MBD1: variants seen among roughly 807,000 people sequenced by gnomAD.
The protein encoded by MBD1 is methyl-CpG-binding domain protein 1.
A neutral mutation model predicts 82.6 loss-of-function variants in MBD1; 25 were observed. The observed-to-expected ratio is 0.30, with a 90% confidence interval of 0.22 to 0.42. MBD1 has a LOEUF of 0.42. MBD1 is among the 10% of genes least tolerant of loss of function. MBD1 has a pLI of 1.00. For synonymous variants in MBD1, 301 were observed against 303.7 expected (o/e 0.99, Z 0.09); for missense variants, 627 against 819.6 (o/e 0.76, Z 2.87).
chr18:50,277,855 T>TA (rs200911568), intron 2 of MBD1, among the ~76,000 whole-genome samples: 4,188 of 151,606 alleles, frequency 0.028, 112 homozygotes, highest in Admixed American at 0.082. Flanking sequence ...TTAATATTAT[T>TA]TAAAAAAAAC....
chr18:50,276,825 C>A lies in MBD1; in HGVS notation c.392+7G>T, dbSNP rs774016119. On this transcript the variant is annotated splice_region_variant and intron_variant, in intron 4 of 16. Coordinates refer to ENST00000269468, the MANE Select transcript of MBD1 (RefSeq NM_015846.4). ...ACCCATCTGGCTCACCTTAGACCAACACTCACCCAGGAGCAGGGAATGAAG... is the reference window on the plus strand; with the variant it reads ...ACCCATCTGGCTCACCTTAGACCAAAACTCACCCAGGAGCAGGGAATGAAG... 2 of 1,614,240 alleles carry A rather than the reference C, an allele frequency of 1.2e-6. No homozygotes were observed. The highest frequency in any genetic ancestry group is 1.7e-6 in the Non-Finnish European group (2 of 1,180,046).
intron 10 of MBD1, 47 bp from the exon 11 acceptor site, chr18:50,274,400 G>A (rs1298802009): frequency 6.3e-6 from 10 of 1,591,140 alleles, no homozygotes; most frequent in Admixed American, 1.7e-5. Context: ...ACTAGGAGAG[G>A]CCATCCTCAA....
chr18:50,277,644 T>A (rs1464076445), intron 2 of MBD1, among the ~76,000 whole-genome samples: 2 of 152,106 alleles, frequency 1.3e-5, no homozygotes, highest in African/African-American at 4.8e-5. Context: ...AATTAAAGTA[T>A]AAGTAATTGA....
At chr18:50,267,892 G>T (rs1410186586), downstream of MBD1, among the ~76,000 whole-genome samples, 1 of 152,162 alleles carries the variant, frequency 6.6e-6, no homozygotes, top group African/African-American at 2.4e-5. Context: ...TTCTAAATAC[G>T]AATTCCATTT....
rs1444417548 is a variant in MBD1, at chr18:50,279,696, T to C, written c.110+187A>G. 4 of 712,750 alleles carry C rather than the reference T, an allele frequency of 5.6e-6. No individual in the cohort carries two copies. The East Asian group carries it at 1.2e-4, about 21-fold the overall frequency. 44.2% of individuals were successfully genotyped at this position (712,750 alleles called of 1,614,324 possible). On this transcript the variant is annotated intron_variant, in intron 2 of 16. Transcript: ENST00000269468. ...TTCTTGAATAATCACAAATGCACTG[T>C]GAGTAGTGACTTTTAAGTTACAAAT...
intron 16 of MBD1, chr18:50,271,242 A>T (rs2035384745): frequency 1.4e-6 from 2 of 1,392,900 alleles, no homozygotes. Flanking sequence ...CCAACTTCTT[A>T]TACTCAGGCT....
At chr18:50,275,529 G>C in intron 8 of MBD1, 71 bp downstream of exon 8, 1 of 1,612,282 alleles carries the variant, frequency 6.2e-7, no homozygotes, top group Non-Finnish European at 8.5e-7. Context: ...GGCAAGGCCA[G>C]GTTGAAAGGA....
At chr18:50,273,239 A>G in intron 13 of MBD1, 95 bp downstream of exon 13, 3 of 1,530,432 alleles carry the variant, frequency 2.0e-6, no homozygotes, top group Non-Finnish European at 2.7e-6. Context: ...CAGCACATCT[A>G]TTGCTCTGCT....
intron 2 of MBD1, among the ~76,000 whole-genome samples, chr18:50,277,500 ATATAT>A (rs921071496): frequency 4.6e-5 from 7 of 152,124 alleles, no homozygotes; most frequent in East Asian, 3.9e-4. Flanking sequence ...AGGAACACAA[ATATAT>A]TATATTTGTG....
Position 50,269,032 on chromosome 18 carries a change from T to C in MBD1, c.*819A>G. ...ATAAAGTTGGAAATCCATTCACCATTTGTAATACATATTGATGCATTTAAT... is the reference window on the plus strand; with the variant it reads ...ATAAAGTTGGAAATCCATTCACCATCTGTAATACATATTGATGCATTTAAT... On this transcript the variant is annotated 3_prime_UTR_variant, in exon 17 of 17. Coordinates refer to ENST00000269468, the MANE Select transcript of MBD1 (RefSeq NM_015846.4). 1.0e-6 allele frequency: 1 copy of C among 986,178 alleles called. No homozygotes were observed. The highest frequency in any genetic ancestry group is 4.7e-5 in the South Asian group (1 of 21,352). The allele number at this position is 986,178 out of a possible 1,614,324, so 61.1% of individuals were successfully genotyped here. A position where few individuals can be genotyped will look rare whatever the true frequency, so the allele number is the denominator to read the frequency against.
chr18:50,273,178 A>T, intron 13 of MBD1, 156 bp downstream of exon 13: 1 of 1,266,520 alleles, frequency 7.9e-7, no homozygotes. Flanking sequence ...TGCCTGTGGG[A>T]GGTAGGGTGT....
Position 50,272,899 on chromosome 18 carries a change from GTCC to G in MBD1, c.1638_1640del (p.Glu546del). 6.2e-7 allele frequency: 1 copy of G among 1,614,164 alleles called. No individual in the cohort carries two copies. ...CAGAATCATCCTTGTTCTCCTCCTT[GTCC>G]TCCTCTGGGTCAGGTGGCTCTTGCT... On this transcript the variant is annotated inframe_deletion, in exon 14 of 17. Transcript: ENST00000269468.
rs750924064 is a variant in MBD1 at position 50,274,366 on chromosome 18, G to T, written c.979-13C>A. The T allele has an allele frequency of 6.2e-7, 1 of 1,609,834 alleles. No individual in the cohort carries two copies. Among genetic ancestry groups the T allele is most frequent in the East Asian group, 2.2e-5 (1 of 44,832 alleles). The stretch of plus-strand genomic sequence containing the variant: ...TCGTGTAGGGCTGCTGGGGTGGGGG[G>T]AATGGGTGGTGCTGTCAACTAGGAC... On this transcript the variant is annotated splice_polypyrimidine_tract_variant and intron_variant, in intron 10 of 16. Coordinates refer to ENST00000269468, the MANE Select transcript of MBD1 (RefSeq NM_015846.4).
chr18:50,274,559 C>G (rs1425823281), intron 10 of MBD1, among the ~76,000 whole-genome samples: 1 of 152,178 alleles, frequency 6.6e-6, no homozygotes, highest in Admixed American at 6.5e-5. Context: ...AGCTGGCCCT[C>G]GATACCATTA....
intron 1 of MBD1, 86 bp from the exon 2 acceptor site, chr18:50,280,103 C>T (rs2039635257): frequency 2.2e-6 from 3 of 1,373,312 alleles, no homozygotes; most frequent in African/African-American, 2.9e-5. Flanking sequence ...CACTGGTATC[C>T]ATTAGTGCTT....
At chr18:50,274,479 C>T (rs1367174775) in intron 10 of MBD1, 126 bp from the exon 11 acceptor site, 1 of 1,022,658 alleles carries the variant, frequency 9.8e-7, no homozygotes, top group Non-Finnish European at 1.4e-6. Context: ...ATACTAGTCT[C>T]AGCCTCCTGA....
chr18:50,272,600 G>T, intron 15 of MBD1, 77 bp downstream of exon 15: 2 of 1,531,498 alleles, frequency 1.3e-6, no homozygotes, highest in Non-Finnish European at 1.8e-6. Flanking sequence ...CCAAACTGCC[G>T]GCTATACTTT....
At chr18:50,271,153 A>G (rs969664253) in intron 16 of MBD1, 2 of 1,198,802 alleles carry the variant, frequency 1.7e-6, no homozygotes, top group African/African-American at 1.5e-5. Flanking sequence ...ATTACTCATG[A>G]ACATGGCTTG....
chr18:50,276,420 T>C lies in MBD1; in HGVS notation c.476-2A>G. The C allele has an allele frequency of 6.2e-7, 1 of 1,614,120 alleles. No individual in the cohort carries two copies. The highest frequency in any genetic ancestry group is 8.5e-7 in the Non-Finnish European group (1 of 1,179,964). ...CCCGGTTGAAGGCAATTCTCTGTGC[T>C]GTGGGGAGGAAGAGGGAAGAAGAAA... On this transcript the variant is annotated splice_acceptor_variant, in intron 5 of 16. Transcript: ENST00000269468. LOFTEE classifies it high-confidence loss of function.
Sources: allele counts gnomAD v4.1 joint callset (sites outside exome capture counted in the v4.1 genomes callset), GRCh38; gene constraint gnomAD v4.1.1; transcripts MANE v1.5; gene names NCBI Gene and HGNC (gene_info 2026-07-23, HGNC 2026-07-21).